Variants in BCAS3 observed in about 807,000 individuals in gnomAD.
BCAS3 encodes the protein BCAS3 microtubule associated cell migration factor, also known as BCAS4/BCAS3 fusion.
BCAS3 carries 53 observed loss-of-function variants against 116.1 expected under a neutral mutation model. The observed-to-expected ratio is 0.46, with a 90% CI of 0.37 to 0.57. The LOEUF is 0.57. BCAS3 is among the 20% of genes least tolerant of loss of function. The pLI, the probability that BCAS3 is intolerant of heterozygous loss-of-function variation, is 0.00. For missense variants in BCAS3, 917 were observed against 1,165.4 expected, an observed-to-expected ratio of 0.79 and a Z score of 3.10; for synonymous variants, 391 against 408.2, an observed-to-expected ratio of 0.96 and a Z score of 0.51.
chr17:60,940,629 T>G (rs1259281020), intron 13 of BCAS3, among the ~76,000 whole-genome samples: 1 of 152,244 alleles, frequency 6.6e-6, no homozygotes. Flanking sequence ...AATTAAGTAA[T>G]TTGTAAGTTT....
In BCAS3 at chr17:61,357,254, A is replaced by T. The variant is rs546053253; in HGVS notation, c.2426-11073A>T. Among the ~76,000 whole-genome samples the T allele has an allele frequency of 7.4e-3, 1,080 of 145,008 alleles. 9 individuals are homozygous for T. The highest frequency in any genetic ancestry group is 0.025 in the Middle Eastern group (7 of 278). Reference sequence around the variant, plus strand: ...GACTCCATATCTACAAAAAATAAATAAATAAATAAATAAATTAATTAATTA... The same window carrying T: ...GACTCCATATCTACAAAAAATAAATTAATAAATAAATAAATTAATTAATTA... On this transcript the variant is annotated intron_variant, in intron 22 of 23. Transcript: ENST00000407086.
Position 61,278,466 on chromosome 17 carries a change from T to C in BCAS3, c.2426-89861T>C, listed in dbSNP as rs1344716995. Among the ~76,000 whole-genome samples, 1 of 152,182 alleles carries C rather than the reference T, an allele frequency of 6.6e-6. No homozygotes were observed. The highest frequency in any genetic ancestry group is 1.5e-5 in the Non-Finnish European group (1 of 68,026). On this transcript the variant is annotated intron_variant, in intron 22 of 23. Transcript: ENST00000407086. This position sits in a 1 kb window ranked among gnomAD's most constrained non-coding sequence, Gnocchi z 5.8. Reference sequence around the variant, plus strand: ...CTGGGTTTACAGGTGTGTGCCACCATGCCCAGCCTCTATCAACTGTTGGAT... The same window carrying C: ...CTGGGTTTACAGGTGTGTGCCACCACGCCCAGCCTCTATCAACTGTTGGAT...
At chr17:60,750,166 C>CAA (rs772425669) in intron 6 of BCAS3, among the ~76,000 whole-genome samples, 6 of 121,240 alleles carry the variant, frequency 4.9e-5, no homozygotes, top group African/African-American at 6.2e-5. Flanking sequence ...GACTCCATCT[C>CAA]AAAAAAAAAA....
rs560504423 is a variant in BCAS3, at chr17:60,990,543, T to C, written c.1486+308T>C. ...ACTGAACATCCTTTTTACTTATCTC[T>C]TCCAGAACATTCTATGTTCAATGGG... On this transcript the variant is annotated intron_variant, in intron 15 of 23. Transcript: ENST00000407086. The surrounding 1 kb of genome is among the most constrained non-coding windows in gnomAD (Gnocchi z 5.1). Among the ~76,000 whole-genome samples the C allele has an allele frequency of 4.7e-4, 71 of 152,294 alleles. No homozygotes were observed. Among genetic ancestry groups the C allele is most frequent in the African/African-American group, 1.6e-3 (68 of 41,556 alleles).
chr17:61,236,899 A>G (rs1442017131), intron 22 of BCAS3, among the ~76,000 whole-genome samples: 1 of 152,136 alleles, frequency 6.6e-6, no homozygotes, highest in East Asian at 1.9e-4. Flanking sequence ...TGGAGGCAGG[A>G]AAGTTGGATC....
intron 9 of BCAS3, among the ~76,000 whole-genome samples, chr17:60,884,694 G>A (rs1170586790): frequency 2.8e-5 from 4 of 142,822 alleles, no homozygotes; most frequent in East Asian, 2.1e-4. Flanking sequence ...CCTTCATTTC[G>A]TTATGTACCC....
chr17:60,894,744 A>G (rs1047857293), intron 10 of BCAS3, among the ~76,000 whole-genome samples: 4 of 152,128 alleles, frequency 2.6e-5, no homozygotes, highest in Non-Finnish European at 5.9e-5. Context: ...ATTTCCTTCT[A>G]TGCCTAGTTT....
Position 60,727,793 on chromosome 17 carries a change from G to A in BCAS3, c.321+18468G>A, listed in dbSNP as rs1319002237. 2.6e-5 allele frequency among the ~76,000 whole-genome samples: 4 copies of A among 151,268 alleles called. No individual in the cohort carries two copies. The East Asian group carries it at 5.8e-4, about 22-fold the overall frequency. Reference sequence around the variant, plus strand: ...ATAGCTTACAGTAGGATTCATTTTTGGTGGTATACTTTTTTCCTTTTTTTT... The same window carrying A: ...ATAGCTTACAGTAGGATTCATTTTTAGTGGTATACTTTTTTCCTTTTTTTT... On this transcript the variant is annotated intron_variant, in intron 5 of 23. Coordinates refer to ENST00000407086, the MANE Select transcript of BCAS3 (RefSeq NM_017679.5).
rs1259940906 is a variant in BCAS3 at position 61,339,216 on chromosome 17, G to A, written c.2426-29111G>A. The stretch of plus-strand genomic sequence containing the variant: ...AACCCTGATTCTGACAGTGGCAGGC[G>A]CCACTTGCCCTTGGTCGGTTTTACT... On this transcript the variant is annotated intron_variant, in intron 22 of 23. Transcript: ENST00000407086. The surrounding 1 kb of genome is among the most constrained non-coding windows in gnomAD (Gnocchi z 4.4). Among the ~76,000 whole-genome samples the A allele has an allele frequency of 3.9e-5, 6 of 152,102 alleles. No individual in the cohort carries two copies. Among genetic ancestry groups the A allele is most frequent in the South Asian group, 2.1e-4 (1 of 4,826 alleles).
chr17:61,149,002 CTT>C (rs1432566187), intron 22 of BCAS3, among the ~76,000 whole-genome samples: 2 of 152,144 alleles, frequency 1.3e-5, no homozygotes, highest in African/African-American at 4.8e-5. Context: ...GCTCTGTTGA[CTT>C]TGCTCCAGAT....
chr17:61,101,959 T>G (rs962324442), intron 22 of BCAS3, among the ~76,000 whole-genome samples: 1 of 152,168 alleles, frequency 6.6e-6, no homozygotes, highest in Non-Finnish European at 1.5e-5. Context: ...AAAATACTAA[T>G]AAATTGAAAG....
At chr17:61,372,213 TCA>T (rs1356413365) in intron 23 of BCAS3, among the ~76,000 whole-genome samples, 3 of 152,160 alleles carry the variant, frequency 2.0e-5, no homozygotes, top group Admixed American at 1.3e-4. Flanking sequence ...GCCCCCATTC[TCA>T]GTTTGCACCC....
chr17:61,114,935 T>G (rs1476329082), intron 22 of BCAS3, among the ~76,000 whole-genome samples: 31 of 149,824 alleles, frequency 2.1e-4, no homozygotes, highest in Non-Finnish European at 2.8e-4. Context: ...AAATAACGCC[T>G]CATATCTACA....
intron 7 of BCAS3, among the ~76,000 whole-genome samples, chr17:60,834,308 A>G (rs937339325): frequency 6.6e-6 from 1 of 152,088 alleles, no homozygotes; most frequent in African/African-American, 2.4e-5. Flanking sequence ...AGAATTGACA[A>G]GGAAAATAAT....
At chr17:61,110,555 C>T (rs972371099) in intron 22 of BCAS3, among the ~76,000 whole-genome samples, 5 of 152,228 alleles carry the variant, frequency 3.3e-5, no homozygotes, top group Non-Finnish European at 7.3e-5. Context: ...AACGGCGCAC[C>T]ACGAGATTAT....
At position 60,977,491 on chromosome 17, in the gene BCAS3, T is replaced by TTTATTA. The variant is rs199534358; in HGVS notation, c.1222-12457_1222-12452dup. Among the ~76,000 whole-genome samples, 248 of 149,684 alleles carry TTTATTA rather than the reference T, an allele frequency of 1.7e-3. 1 individual carries two copies. The highest frequency in any genetic ancestry group is 4.6e-3 in the African/African-American group (187 of 40,816). On this transcript the variant is annotated intron_variant, in intron 14 of 23. Coordinates refer to ENST00000407086, the MANE Select transcript of BCAS3 (RefSeq NM_017679.5). ...TTGCATTTGGCGGAAGCACTTTCTT[T>TTTATTA]TTATTATTATTATTATTATTATTAT...
At chr17:60,983,049 T>C (rs1035371114) in intron 14 of BCAS3, among the ~76,000 whole-genome samples, 1 of 152,182 alleles carries the variant, frequency 6.6e-6, no homozygotes, top group Admixed American at 6.5e-5. Flanking sequence ...TATATAAATA[T>C]GTTTGTGTCC....
intron 18 of BCAS3, 137 bp downstream of exon 18, chr17:61,038,191 A>T: frequency 2.8e-6 from 2 of 703,566 alleles, no homozygotes; most frequent in Admixed American, 3.3e-5. Flanking sequence ...CAAATACATC[A>T]CTCTCAAATG....
At chr17:61,053,555 G>T (rs996574543) in intron 19 of BCAS3, among the ~76,000 whole-genome samples, 4 of 152,194 alleles carry the variant, frequency 2.6e-5, no homozygotes, top group African/African-American at 7.2e-5. Flanking sequence ...CTTATGAGCT[G>T]CTCCCTTTCA....
Sources: allele counts gnomAD v4.1 joint callset (sites outside exome capture counted in the v4.1 genomes callset), GRCh38; gene constraint gnomAD v4.1.1; non-coding constraint Gnocchi (gnomAD v3.1); transcripts MANE v1.5; gene names NCBI Gene and HGNC (gene_info 2026-07-23, HGNC 2026-07-21).